The following ZNF704 variants were observed in gnomAD, a reference collection of about 807,000 sequenced individuals.
ZNF704 encodes zinc finger protein 704, also known as glucocorticoid induced gene 1.
A neutral mutation model predicts 44.7 loss-of-function variants in ZNF704; 10 were observed. The ratio of observed to expected loss-of-function variants is 0.22; its 90% CI spans 0.14 to 0.38. The LOEUF (loss-of-function observed/expected upper bound fraction) is 0.38. Among genes scored for constraint, ZNF704 ranks in the 10% least tolerant of loss-of-function variants. ZNF704 has a pLI of 1.00. For synonymous variants in ZNF704, 211 were observed against 207.6 expected (o/e 1.02, Z -0.14); for missense variants, 390 against 545.5 (o/e 0.71, Z 2.84).
intron 2 of ZNF704, among the ~76,000 whole-genome samples, chr8:80,734,184 T>C (rs970110306): frequency 1.3e-5 from 2 of 152,214 alleles, no homozygotes; most frequent in African/African-American, 4.8e-5. Flanking sequence ...ACCAGATCAC[T>C]AGACAAGCTG....
intron 2 of ZNF704, among the ~76,000 whole-genome samples, chr8:80,734,453 T>C (rs1806632549): frequency 6.6e-6 from 1 of 152,174 alleles, no homozygotes; most frequent in African/African-American, 2.4e-5. Flanking sequence ...TGACTATCCA[T>C]AACAAGAATT....
chr8:80,839,767 G>A (rs1253959921), intron 1 of ZNF704, among the ~76,000 whole-genome samples: 1 of 152,148 alleles, frequency 6.6e-6, no homozygotes, highest in Non-Finnish European at 1.5e-5. Context: ...TGCTTGAGGG[G>A]TTCCAGCCTG....
At chr8:80,805,829 T>C (rs1321392352) in intron 2 of ZNF704, among the ~76,000 whole-genome samples, 1 of 139,312 alleles carries the variant, frequency 7.2e-6, no homozygotes, top group Admixed American at 6.7e-5. Context: ...TCCCTCACCC[T>C]AGGATTCTCA....
chr8:80,822,356 G>A (rs1357127500), intron 1 of ZNF704, among the ~76,000 whole-genome samples: 5 of 148,742 alleles, frequency 3.4e-5, no homozygotes, highest in Non-Finnish European at 7.4e-5. Context: ...GCACCTATGA[G>A]TGAGAACATG....
At chr8:80,675,183 G>C (rs907829631) in intron 4 of ZNF704, among the ~76,000 whole-genome samples, 7 of 152,214 alleles carry the variant, frequency 4.6e-5, no homozygotes, top group African/African-American at 1.4e-4. Flanking sequence ...GGACCTGAAA[G>C]TTGGAGAAGG....
intron 2 of ZNF704, among the ~76,000 whole-genome samples, chr8:80,717,355 G>A (rs1259204762): frequency 2.0e-5 from 3 of 152,210 alleles, no homozygotes; most frequent in Admixed American, 6.5e-5. Context: ...AGGATGCAGC[G>A]AGCTGCATTC....
chr8:80,669,881 T>G (rs567292786), intron 5 of ZNF704, among the ~76,000 whole-genome samples: 1 of 152,296 alleles, frequency 6.6e-6, no homozygotes, highest in Non-Finnish European at 1.5e-5. Context: ...TTATCTTTCC[T>G]TTAGAAGGCT....
intron 4 of ZNF704, among the ~76,000 whole-genome samples, chr8:80,681,622 T>C (rs961936855): frequency 7.2e-5 from 11 of 152,128 alleles, no homozygotes; most frequent in Non-Finnish European, 2.9e-5. Flanking sequence ...CTGTGAAAAT[T>C]ATACCTAATA....
At chr8:80,708,099 T>G (rs997783468) in intron 2 of ZNF704, among the ~76,000 whole-genome samples, 2 of 152,210 alleles carry the variant, frequency 1.3e-5, no homozygotes, top group African/African-American at 4.8e-5. Context: ...TGATGACTGA[T>G]CAATTTGAAC....
rs986279242 is a variant in ZNF704 at position 80,720,654 on chromosome 8, C to G, written c.222-27547G>C. Among the ~76,000 whole-genome samples, 15 of 152,308 alleles carry G rather than the reference C, an allele frequency of 9.8e-5. No homozygotes were observed. The East Asian group carries it at 1.4e-3, about 14-fold the overall frequency. On this transcript the variant is annotated intron_variant, in intron 2 of 8. Transcript: ENST00000327835. ...GTCAAAACCATGGATGGGTGGGCTA[C>G]AGGAAACCAACAGAAATCTCCTCTC...
chr8:80,744,953 G>A (rs997622747), intron 2 of ZNF704, among the ~76,000 whole-genome samples: 1 of 152,100 alleles, frequency 6.6e-6, no homozygotes, highest in African/African-American at 2.4e-5. Flanking sequence ...AAAACAAACA[G>A]AAATGACACT....
intron 2 of ZNF704, among the ~76,000 whole-genome samples, chr8:80,721,057 T>C (rs1819158240): frequency 6.6e-6 from 1 of 152,186 alleles, no homozygotes; most frequent in Non-Finnish European, 1.5e-5. Flanking sequence ...GTACTTTGAT[T>C]GTGGGTCAAT....
intron 2 of ZNF704, among the ~76,000 whole-genome samples, chr8:80,702,192 G>C (rs1818820994): frequency 6.6e-6 from 1 of 152,132 alleles, no homozygotes; most frequent in South Asian, 2.1e-4. Flanking sequence ...AACAAAGATG[G>C]GCTGGGTGCA....
At chr8:80,822,542 A>C (rs2129887707) in intron 1 of ZNF704, among the ~76,000 whole-genome samples, 1 of 152,296 alleles carries the variant, frequency 6.6e-6, no homozygotes, top group Non-Finnish European at 1.5e-5. Flanking sequence ...CATGATTTAT[A>C]ATCCTTTGGG....
chr8:80,644,422 A>T (rs1017540660), intron 7 of ZNF704, among the ~76,000 whole-genome samples: 1 of 152,100 alleles, frequency 6.6e-6, no homozygotes, highest in South Asian at 2.1e-4. Flanking sequence ...CAACAAATTA[A>T]TTTTTTTAAC....
intron 1 of ZNF704, among the ~76,000 whole-genome samples, chr8:80,835,718 T>A (rs976105669): frequency 6.6e-6 from 1 of 152,232 alleles, no homozygotes; most frequent in Non-Finnish European, 1.5e-5. Flanking sequence ...GCATAGTGAC[T>A]CTTTCACAGG....
chr8:80,705,528 A>G (rs1221851023), intron 2 of ZNF704, among the ~76,000 whole-genome samples: 3 of 146,738 alleles, frequency 2.0e-5, no homozygotes, highest in African/African-American at 7.6e-5. Context: ...CTGCATTTGT[A>G]TCTATGTGGG....
chr8:80,806,568 C>T (rs1261265037), intron 2 of ZNF704, among the ~76,000 whole-genome samples: 1 of 152,204 alleles, frequency 6.6e-6, no homozygotes, highest in Non-Finnish European at 1.5e-5. Context: ...ATTTGAACAT[C>T]AGAGTTTCTG....
intron 3 of ZNF704, among the ~76,000 whole-genome samples, chr8:80,691,278 G>A (rs1818630216): frequency 1.3e-5 from 2 of 152,146 alleles, no homozygotes; most frequent in Non-Finnish European, 2.9e-5. Flanking sequence ...GGTTTTCATT[G>A]ATCCTAAGTC....
Sources: allele counts gnomAD v4.1 joint callset (sites outside exome capture counted in the v4.1 genomes callset), GRCh38; gene constraint gnomAD v4.1.1; transcripts MANE v1.5; gene names NCBI Gene and HGNC (gene_info 2026-07-23, HGNC 2026-07-21).